TMEM132C: variants seen among roughly 807,000 people sequenced by gnomAD.
TMEM132C encodes the protein protein phosphatase 1, regulatory subunit 152.
Under a neutral mutation model 61.4 loss-of-function variants are expected in TMEM132C, and 29 were observed. The ratio of observed to expected loss-of-function variants is 0.47; its 90% CI spans 0.35 to 0.64. The LOEUF is 0.64. Among genes scored for constraint, TMEM132C ranks in the 30% least tolerant of loss-of-function variants. The pLI is 0.00. For missense variants in TMEM132C, 1,408 were observed against 1,476.9 expected, an observed-to-expected ratio of 0.95 and a Z score of 0.76; for synonymous variants, 656 against 633.1, an observed-to-expected ratio of 1.04 and a Z score of -0.54.
In TMEM132C at chr12:128,622,294, A is replaced by G. The variant is rs183677639; in HGVS notation, c.1305+5959A>G. Among the ~76,000 whole-genome samples the G allele has an allele frequency of 6.5e-3, 926 of 141,456 alleles. 13 individuals are homozygous for G. Among genetic ancestry groups the G allele is most frequent in the African/African-American group, 0.023 (886 of 38,790 alleles). The allele number at this position is 141,456 out of a possible 152,430, so 92.8% of individuals were successfully genotyped here. On this transcript the variant is annotated intron_variant, in intron 4 of 8. Coordinates refer to ENST00000435159, the MANE Select transcript of TMEM132C (RefSeq NM_001136103.3). The stretch of plus-strand genomic sequence containing the variant: ...GGGAGGCGGAGGTTGCACTGAGCCA[A>G]GATGGTACCACTGCACTCTAGCCTG...
intron 2 of TMEM132C, among the ~76,000 whole-genome samples, chr12:128,454,020 C>T (rs147536530): frequency 7.2e-4 from 110 of 152,218 alleles, no homozygotes; most frequent in African/African-American, 2.3e-3. Flanking sequence ...AAAGATCTAG[C>T]GAAGGGGGCC....
intron 1 of TMEM132C, among the ~76,000 whole-genome samples, chr12:128,387,238 C>T (rs1299883096): frequency 6.6e-6 from 1 of 152,104 alleles, no homozygotes; most frequent in African/African-American, 2.4e-5. Flanking sequence ...TTCGGGAACC[C>T]GCAGGACAAG....
intron 2 of TMEM132C, among the ~76,000 whole-genome samples, chr12:128,435,414 T>A (rs531486102): frequency 3.9e-5 from 6 of 152,172 alleles, no homozygotes; most frequent in Non-Finnish European, 7.3e-5. Flanking sequence ...TCATCTCAGC[T>A]CAAAATCTCC....
At chr12:128,559,379 T>C (rs1007600494) in intron 3 of TMEM132C, among the ~76,000 whole-genome samples, 5 of 152,214 alleles carry the variant, frequency 3.3e-5, no homozygotes, top group Non-Finnish European at 7.3e-5. Flanking sequence ...CTCAGGTTTT[T>C]TGGGGTTTTT....
intron 2 of TMEM132C, among the ~76,000 whole-genome samples, chr12:128,500,801 A>C (rs1440069318): frequency 6.6e-6 from 1 of 152,248 alleles, no homozygotes; most frequent in Non-Finnish European, 1.5e-5. Flanking sequence ...TAGAATTATC[A>C]CATGATTTAG....
chr12:128,461,768 C>T (rs1013051814), intron 2 of TMEM132C, among the ~76,000 whole-genome samples: 13 of 152,140 alleles, frequency 8.5e-5, no homozygotes, highest in Non-Finnish European at 1.8e-4. Context: ...GTGTGTCACT[C>T]TCTATCAAAG....
At chr12:128,480,586 G>A (rs77823212) in intron 2 of TMEM132C, among the ~76,000 whole-genome samples, 4,066 of 152,270 alleles carry the variant, frequency 0.027, 75 homozygotes, top group Middle Eastern at 0.044. Flanking sequence ...GCAGCACCCC[G>A]GGGCCTTCTT....
intron 2 of TMEM132C, among the ~76,000 whole-genome samples, chr12:128,509,645 A>T (rs1317715510): frequency 6.6e-6 from 1 of 152,134 alleles, no homozygotes; most frequent in East Asian, 1.9e-4. Context: ...CAGTCATTTT[A>T]TGACCAGCAG....
At chr12:128,556,502 A>G (rs1272361447) in intron 3 of TMEM132C, among the ~76,000 whole-genome samples, 1 of 152,148 alleles carries the variant, frequency 6.6e-6, no homozygotes, top group African/African-American at 2.4e-5. Context: ...TACTTTTTTC[A>G]GAAATATTCC....
intron 4 of TMEM132C, among the ~76,000 whole-genome samples, chr12:128,627,897 C>G (rs1212092657): frequency 6.6e-6 from 1 of 152,224 alleles, no homozygotes; most frequent in Non-Finnish European, 1.5e-5. Flanking sequence ...CGGCCAGCAG[C>G]TGCACCACTT....
chr12:128,696,996 T>C (rs1954770661), intron 7 of TMEM132C, among the ~76,000 whole-genome samples: 1 of 152,248 alleles, frequency 6.6e-6, no homozygotes, highest in Non-Finnish European at 1.5e-5. Flanking sequence ...TTTTAATATC[T>C]ATTCCAATTT....
chr12:128,284,942 C>A (rs1375997769), intron 1 of TMEM132C, among the ~76,000 whole-genome samples: 1 of 152,080 alleles, frequency 6.6e-6, no homozygotes, highest in Non-Finnish European at 1.5e-5. Flanking sequence ...TCAAGACCAG[C>A]CTAGGCAATG....
intron 2 of TMEM132C, among the ~76,000 whole-genome samples, chr12:128,475,203 C>A (rs1871118125): frequency 1.3e-5 from 2 of 152,276 alleles, no homozygotes; most frequent in South Asian, 4.2e-4. Context: ...ACCCCGCCCC[C>A]AACTCGAAAT....
chr12:128,701,462 C>T (rs12581149), intron 8 of TMEM132C, among the ~76,000 whole-genome samples: 1,645 of 152,282 alleles, frequency 0.011, 58 homozygotes, highest in East Asian at 0.1. Context: ...AGTTCATGTC[C>T]AAGCATTTGG....
intron 2 of TMEM132C, among the ~76,000 whole-genome samples, chr12:128,423,918 T>C (rs1198433653): frequency 6.6e-6 from 1 of 151,626 alleles, no homozygotes; most frequent in African/African-American, 2.4e-5. Context: ...TGGTGGCAGG[T>C]ACCTGTAGTC....
At chr12:128,423,781 C>T (rs1869076669) in intron 2 of TMEM132C, among the ~76,000 whole-genome samples, 1 of 151,858 alleles carries the variant, frequency 6.6e-6, no homozygotes, top group African/African-American at 2.4e-5. Context: ...CACCTGTAAT[C>T]CCAGAACTTT....
intron 1 of TMEM132C, among the ~76,000 whole-genome samples, chr12:128,412,831 C>T (rs952347182): frequency 6.6e-6 from 1 of 152,174 alleles, no homozygotes; most frequent in South Asian, 2.1e-4. Context: ...CCTTCTGCAC[C>T]ATGCTTTTTC....
chr12:128,469,228 C>T (rs1870848842), intron 2 of TMEM132C, among the ~76,000 whole-genome samples: 1 of 152,014 alleles, frequency 6.6e-6, no homozygotes, highest in African/African-American at 2.4e-5. Context: ...GCATTTAAAG[C>T]AGGGTTTCTC....
chr12:128,515,207 A>G (rs964155826), intron 2 of TMEM132C, among the ~76,000 whole-genome samples: 4 of 152,188 alleles, frequency 2.6e-5, no homozygotes, highest in Non-Finnish European at 5.9e-5. Context: ...TAGCCATTCA[A>G]ATACACTGGG....
Sources: gnomAD v4.1 joint callset for allele counts (sites outside exome capture counted in the v4.1 genomes callset) on GRCh38, gnomAD v4.1.1 for gene constraint, MANE v1.5 for transcripts, NCBI Gene and HGNC (gene_info 2026-07-23, HGNC 2026-07-21) for gene names.